PDS5B: variants seen among roughly 807,000 people sequenced by gnomAD.
The protein encoded by PDS5B is PDS5 cohesin associated factor B, also known as sister chromatid cohesion protein PDS5 homolog B.
Under a neutral mutation model 184.1 loss-of-function variants are expected in PDS5B, and 51 were observed. The observed-to-expected ratio is 0.28, with a 90% CI of 0.22 to 0.35. The LOEUF (loss-of-function observed/expected upper bound fraction) is 0.35, where lower values mean the gene tolerates loss of function less well. PDS5B is among the 10% of genes least tolerant of loss of function. The pLI is 1.00. For synonymous variants in PDS5B, 566 were observed against 569.2 expected (o/e 0.99, Z 0.08); for missense variants, 1,180 against 1,723.3 (o/e 0.68, Z 5.58).
chr13:32,722,674 G>T (rs1952759430), intron 19 of PDS5B, among the ~76,000 whole-genome samples: 1 of 152,210 alleles, frequency 6.6e-6, no homozygotes, highest in African/African-American at 2.4e-5. Flanking sequence ...AATTAATACA[G>T]ATGTTTAAAG....
intron 31 of PDS5B, among the ~76,000 whole-genome samples, chr13:32,769,678 ATGT>A (rs1327903878): frequency 3.3e-5 from 5 of 152,184 alleles, no homozygotes; most frequent in African/African-American, 9.6e-5. Flanking sequence ...TTCTTTTATG[ATGT>A]TGTAAGCATG....
chr13:32,601,186 C>T (rs981539840), intron 1 of PDS5B, among the ~76,000 whole-genome samples: 4 of 152,164 alleles, frequency 2.6e-5, no homozygotes, highest in African/African-American at 9.7e-5. Flanking sequence ...TTGCTTTCCT[C>T]TGTTTTCAAG....
At chr13:32,655,374 A>ATATATTTTTT in intron 3 of PDS5B, among the ~76,000 whole-genome samples, 1 of 72,484 alleles carries the variant, frequency 1.4e-5, no homozygotes, top group African/African-American at 8.3e-5. Flanking sequence ...ATATATATAT[A>ATATATTTTTT]TTTTTTTTTT....
intron 1 of PDS5B, among the ~76,000 whole-genome samples, chr13:32,620,605 C>T (rs1007760268): frequency 1.3e-5 from 2 of 148,332 alleles, no homozygotes; most frequent in African/African-American, 5.0e-5. Context: ...TACAGTGAGC[C>T]GAGATTGTGC....
At chr13:32,663,035 A>G (rs1222122620) in intron 6 of PDS5B, among the ~76,000 whole-genome samples, 1 of 152,152 alleles carries the variant, frequency 6.6e-6, no homozygotes, top group African/African-American at 2.4e-5. Context: ...AATCAAGACA[A>G]ATAGCCTATA....
chr13:32,719,289 C>G (rs745464402), intron 19 of PDS5B, among the ~76,000 whole-genome samples: 5 of 152,032 alleles, frequency 3.3e-5, no homozygotes, highest in Admixed American at 6.6e-5. Context: ...CTCAATCAGT[C>G]CCCCCACCTC....
intron 7 of PDS5B, among the ~76,000 whole-genome samples, chr13:32,670,130 TC>T (rs1266006661): frequency 1.7e-3 from 222 of 129,978 alleles, no homozygotes; most frequent in African/African-American, 5.6e-3. Context: ...ACAGACACAT[TC>T]TTTTTTTTTT....
intron 19 of PDS5B, among the ~76,000 whole-genome samples, chr13:32,722,903 C>T (rs1362981270): frequency 2.0e-5 from 3 of 152,152 alleles, no homozygotes; most frequent in African/African-American, 7.2e-5. Flanking sequence ...GCTCTAGTGT[C>T]TTGCAGTGGA....
At chr13:32,590,583 T>A (rs968301908) in intron 1 of PDS5B, among the ~76,000 whole-genome samples, 5 of 152,224 alleles carry the variant, frequency 3.3e-5, no homozygotes, top group African/African-American at 9.6e-5. Flanking sequence ...GGGGCTCTTA[T>A]AACCAAGACC....
rs776727729 is a variant in PDS5B at position 32,770,129 on chromosome 13, G to C, written c.3633G>C (p.Leu1211Phe). 1.3e-6 allele frequency: 2 copies of C among 1,598,670 alleles called. No homozygotes were observed. Among genetic ancestry groups the C allele is most frequent in the Admixed American group, 1.8e-5 (1 of 56,294 alleles). Residue 1211 changes from leucine to phenylalanine, a missense_variant, in exon 32 of 35, where the codon TTG becomes TTC. Coordinates refer to ENST00000315596, the MANE Select transcript of PDS5B (RefSeq NM_015032.4). ...RDDSDLVRSELEKPRGRKKTP... is the reference protein window; with the variant it reads ...RDDSDLVRSEFEKPRGRKKTP... ...TTTTTTTTTTCCCCTAGTCTGAATT[G>C]GAGAAGCCTAGAGGCAGGAAAAAAA...
At chr13:32,596,091 C>G (rs112978617) in intron 1 of PDS5B, among the ~76,000 whole-genome samples, 1,582 of 152,146 alleles carry the variant, frequency 0.01, 39 homozygotes, top group African/African-American at 0.036. Flanking sequence ...AATTAAAATA[C>G]AGTAAAATGT....
chr13:32,599,200 A>G (rs1053311320), intron 1 of PDS5B, among the ~76,000 whole-genome samples: 12 of 152,136 alleles, frequency 7.9e-5, no homozygotes, highest in Non-Finnish European at 1.3e-4. Flanking sequence ...ATTGAGTAGG[A>G]TAAAGTTATA....
chr13:32,722,388 T>C (rs1419186665), intron 19 of PDS5B, among the ~76,000 whole-genome samples: 2 of 152,120 alleles, frequency 1.3e-5, no homozygotes, highest in African/African-American at 4.8e-5. Context: ...GCAACTTTTA[T>C]CTTTTACACC....
At chr13:32,638,522 A>G (rs565843714) in intron 1 of PDS5B, among the ~76,000 whole-genome samples, 1 of 152,306 alleles carries the variant, frequency 6.6e-6, no homozygotes, top group African/African-American at 2.4e-5. Flanking sequence ...TTGTCTGTGA[A>G]GGTAATTTGG....
intron 1 of PDS5B, among the ~76,000 whole-genome samples, chr13:32,594,908 TG>T (rs1464133964): frequency 6.6e-6 from 1 of 152,212 alleles, no homozygotes; most frequent in Non-Finnish European, 1.5e-5. Flanking sequence ...GTTTATTCTG[TG>T]GGTCTTGGTT....
At chr13:32,609,677 C>G (rs1389430637) in intron 1 of PDS5B, among the ~76,000 whole-genome samples, 4 of 152,162 alleles carry the variant, frequency 2.6e-5, no homozygotes, top group East Asian at 3.8e-4. Context: ...TCTTAGCCCC[C>G]TTGTGTAGTA....
At position 32,676,081 on chromosome 13, in the gene PDS5B, T is replaced by C. The variant is rs1006074053; in HGVS notation, c.962+122T>C. ...TCATAAAAATGAAGGATTTTTTATGTTGAAAGTTTTGAAAGTTGTTAATGA... is the reference window on the plus strand; with the variant it reads ...TCATAAAAATGAAGGATTTTTTATGCTGAAAGTTTTGAAAGTTGTTAATGA... On this transcript the variant is annotated intron_variant, in intron 9 of 34. Transcript: ENST00000315596. The C allele has an allele frequency of 7.0e-6, 4 of 573,244 alleles. No homozygotes were observed. The African/African-American group carries it at 7.4e-5, about 11-fold the overall frequency. 35.5% of individuals were successfully genotyped at this position (573,244 alleles called of 1,614,324 possible).
At chr13:32,773,608 C>T (rs1471528569) in intron 34 of PDS5B, among the ~76,000 whole-genome samples, 1 of 152,066 alleles carries the variant, frequency 6.6e-6, no homozygotes, top group African/African-American at 2.4e-5. Context: ...TTTTAGGGCA[C>T]TGATACCCAT....
intron 1 of PDS5B, among the ~76,000 whole-genome samples, chr13:32,624,819 A>G (rs533572707): frequency 3.7e-4 from 57 of 152,300 alleles, no homozygotes; most frequent in African/African-American, 1.2e-3. Flanking sequence ...TCAATTGGCA[A>G]AAGGGCAAAT....
Sources: allele counts gnomAD v4.1 joint callset (sites outside exome capture counted in the v4.1 genomes callset), GRCh38; gene constraint gnomAD v4.1.1; transcripts MANE v1.5; gene names NCBI Gene and HGNC (gene_info 2026-07-23, HGNC 2026-07-21).